The following DGKH variants were observed in gnomAD, a reference collection of about 807,000 sequenced individuals.
DGKH encodes the protein DAG kinase eta.
In DGKH, 90 loss-of-function variants were observed where a neutral mutation model predicts 159.3. The ratio of observed to expected loss-of-function variants is 0.57; its 90% confidence interval spans 0.48 to 0.67. The LOEUF is 0.67. DGKH is among the 30% of genes least tolerant of loss of function. DGKH has a pLI of 0.00. For missense variants in DGKH, 1,181 were observed against 1,506.1 expected (o/e 0.78, Z 3.57); for synonymous variants, 536 against 553.8 (o/e 0.97, Z 0.45).
intron 16 of DGKH, 77 bp downstream of exon 16, chr13:42,190,602 G>T: frequency 7.1e-7 from 1 of 1,406,000 alleles, no homozygotes. Context: ...AGGCTGATCA[G>T]TTTGAAAAAA....
intron 13 of DGKH, among the ~76,000 whole-genome samples, chr13:42,182,388 T>C (rs1956788147): frequency 6.6e-6 from 1 of 152,192 alleles, no homozygotes; most frequent in South Asian, 2.1e-4. Flanking sequence ...ACTACACTTT[T>C]GGTATATAGT....
At chr13:42,215,313 G>A (rs73188951) in intron 25 of DGKH, among the ~76,000 whole-genome samples, 12,673 of 151,896 alleles carry the variant, frequency 0.083, 678 homozygotes, top group Middle Eastern at 0.13. Context: ...GTATATGCTG[G>A]TGCTAGCATA....
intron 1 of DGKH, among the ~76,000 whole-genome samples, chr13:42,095,871 C>T (rs1954521406): frequency 6.6e-6 from 1 of 152,162 alleles, no homozygotes. Flanking sequence ...AAAAACTTTA[C>T]ATTTGCTTGA....
At position 42,240,091 on chromosome 13, in the gene DGKH, C is replaced by T. The variant is rs915003138; in HGVS notation, c.*10903C>T. ...CACACAACCTGTCTCTTCCACTGAA[C>T]TTCTCTCTCCCCCTTTGTATTCTCA... On this transcript the variant is annotated 3_prime_UTR_variant, in exon 30 of 30. Coordinates refer to ENST00000337343, the MANE Select transcript of DGKH (RefSeq NM_178009.5). The T allele has an allele frequency of 6.6e-6, 1 of 152,204 alleles. No individual in the cohort carries two copies. The highest frequency in any genetic ancestry group is 1.5e-5 in the Non-Finnish European group (1 of 68,042). 9.4% of individuals were successfully genotyped at this position (152,204 alleles called of 1,614,324 possible).
At chr13:42,061,946 A>C (rs1882200891) in intron 1 of DGKH, among the ~76,000 whole-genome samples, 1 of 151,976 alleles carries the variant, frequency 6.6e-6, no homozygotes, top group African/African-American at 2.4e-5. Context: ...ATGAAGGAAG[A>C]TAAAGCAGGG....
chr13:42,254,724 G>T (rs1958644910), intron 30 of DGKH, among the ~76,000 whole-genome samples: 1 of 151,998 alleles, frequency 6.6e-6, no homozygotes. Flanking sequence ...TAAATTGAAG[G>T]CAGTATATAT....
downstream of DGKH, among the ~76,000 whole-genome samples, chr13:42,244,044 GGA>G (rs1958556313): frequency 8.1e-6 from 1 of 123,260 alleles, no homozygotes; most frequent in Non-Finnish European, 1.7e-5. Context: ...GATTGGCTGT[GGA>G]TGGATGAGGG....
At position 42,195,008 on chromosome 13, in the gene DGKH, T is replaced by C. The variant is rs778381864; in HGVS notation, c.2159T>C (p.Ile720Thr). 4.3e-6 allele frequency: 7 copies of C among 1,613,640 alleles called. No homozygotes were observed. The East Asian group carries it at 1.3e-4, about 31-fold the overall frequency. The change falls in exon 17 of 30, where the codon ATC (isoleucine) becomes ACC (threonine). Residue 720 changes from isoleucine to threonine, a missense_variant. Ile to Thr is a moderately conservative substitution (Grantham distance 89). Around this residue, in one of 5 missense-constraint regions of DGKH, gnomAD observed 257 missense variants for 281.5 expected, o/e 0.91. Transcript: ENST00000337343. ...ENLPVLNTRI[I>T]CPGLRAGLAA... Reference sequence around the variant, plus strand: ...CTCCCTGTGCTCAATACCAGAATAATCTGCCCAGGTAGTACAGATTCTGAA... The same window carrying C: ...CTCCCTGTGCTCAATACCAGAATAACCTGCCCAGGTAGTACAGATTCTGAA...
intron 1 of DGKH, among the ~76,000 whole-genome samples, chr13:42,080,075 C>A (rs1190186300): frequency 6.6e-6 from 1 of 152,086 alleles, no homozygotes; most frequent in African/African-American, 2.4e-5. Flanking sequence ...CTGAAAAATT[C>A]TTTCTTTATC....
At chr13:42,134,092 A>T (rs765671316) in intron 3 of DGKH, among the ~76,000 whole-genome samples, 1 of 152,224 alleles carries the variant, frequency 6.6e-6, no homozygotes, top group Non-Finnish European at 1.5e-5. Flanking sequence ...TGGAAACTAC[A>T]TAAACGGTAA....
intron 1 of DGKH, among the ~76,000 whole-genome samples, chr13:42,073,467 C>T (rs1883108027): frequency 1.3e-5 from 2 of 152,120 alleles, no homozygotes; most frequent in Admixed American, 1.3e-4. Context: ...AATGCCCATA[C>T]AACTATTCTG....
chr13:42,082,307 G>A (rs543074939), intron 1 of DGKH, among the ~76,000 whole-genome samples: 2 of 152,068 alleles, frequency 1.3e-5, no homozygotes, highest in South Asian at 4.2e-4. Context: ...TTTATTGATA[G>A]CAATAATAGC....
chr13:42,181,011 T>G (rs576565763), intron 13 of DGKH, among the ~76,000 whole-genome samples: 1 of 152,116 alleles, frequency 6.6e-6, no homozygotes, highest in Admixed American at 6.5e-5. Context: ...GCGCGGTGGC[T>G]CACGCTTGTA....
chr13:42,131,037 A>C (rs1268861093), intron 3 of DGKH, among the ~76,000 whole-genome samples: 1 of 151,990 alleles, frequency 6.6e-6, no homozygotes, highest in Non-Finnish European at 1.5e-5. Flanking sequence ...AGAATTGAAA[A>C]GTGATGGTTC....
intron 13 of DGKH, among the ~76,000 whole-genome samples, chr13:42,178,631 A>G (rs1316482576): frequency 6.6e-6 from 1 of 152,244 alleles, no homozygotes; most frequent in Non-Finnish European, 1.5e-5. Flanking sequence ...ATTTTTCAAA[A>G]TGATGTTTCT....
At chr13:42,131,673 G>A (rs978460881) in intron 3 of DGKH, among the ~76,000 whole-genome samples, 5 of 152,170 alleles carry the variant, frequency 3.3e-5, no homozygotes, top group African/African-American at 1.2e-4. Flanking sequence ...TAGTAATGTT[G>A]TTACTCGCTG....
chr13:42,049,608 C>T (rs548506327), intron 1 of DGKH, among the ~76,000 whole-genome samples: 1 of 152,326 alleles, frequency 6.6e-6, no homozygotes, highest in East Asian at 1.9e-4. Flanking sequence ...CTTAACCGCA[C>T]CCTGCATGGC....
At chr13:42,160,512 C>G (rs1006304290) in intron 7 of DGKH, among the ~76,000 whole-genome samples, 3 of 152,174 alleles carry the variant, frequency 2.0e-5, no homozygotes, top group African/African-American at 7.2e-5. Flanking sequence ...TTGCTACAAC[C>G]CTACCAGTGC....
chr13:42,118,835 G>C (rs1403175246), intron 1 of DGKH, among the ~76,000 whole-genome samples: 1 of 152,170 alleles, frequency 6.6e-6, no homozygotes, highest in Non-Finnish European at 1.5e-5. Flanking sequence ...GCTTGAAGCG[G>C]TGGCGTAATT....
Sources: gnomAD v4.1 joint callset for allele counts (sites outside exome capture counted in the v4.1 genomes callset) on GRCh38, gnomAD v4.1.1 for gene constraint, gnomAD v4.1.1 regional missense constraint, MANE v1.5 for transcripts, NCBI Gene and HGNC (gene_info 2026-07-23, HGNC 2026-07-21) for gene names.